The following KIF16B variants were observed in gnomAD, a reference collection of about 807,000 sequenced individuals.
The protein encoded by KIF16B is kinesin-like protein KIF16B.
In KIF16B, 98 loss-of-function variants were observed where a neutral mutation model predicts 156.3. That is an observed-to-expected ratio of 0.63 (90% CI 0.53 to 0.74). KIF16B has a LOEUF of 0.74. KIF16B is among the 30% of genes least tolerant of loss of function. The pLI, the probability that KIF16B is intolerant of heterozygous loss-of-function variation, is 0.00. For synonymous variants in KIF16B, 564 were observed against 583.7 expected, an observed-to-expected ratio of 0.97 and a Z score of 0.49; for missense variants, 1,421 against 1,606.5, an observed-to-expected ratio of 0.88 and a Z score of 1.97.
chr20:16,478,679 AAGTCACCCTT>A (rs1439881232), intron 12 of KIF16B, among the ~76,000 whole-genome samples: 6 of 152,192 alleles, frequency 3.9e-5, no homozygotes, highest in Non-Finnish European at 8.8e-5. Flanking sequence ...ATTTGTATTC[AAGTCACCCTT>A]ATTTTAATTG....
intron 17 of KIF16B, among the ~76,000 whole-genome samples, chr20:16,396,386 C>T (rs1210812987): frequency 6.6e-6 from 1 of 151,442 alleles, no homozygotes; most frequent in African/African-American, 2.4e-5. Context: ...AATAGTCATA[C>T]AATGGAATAT....
intron 25 of KIF16B, among the ~76,000 whole-genome samples, chr20:16,310,051 A>G (rs575473311): frequency 6.6e-6 from 1 of 152,386 alleles, no homozygotes; most frequent in South Asian, 2.1e-4. Flanking sequence ...AGCTCAGATT[A>G]ACTTTCTATT....
At chr20:16,290,382 C>T (rs1001368932) in intron 25 of KIF16B, among the ~76,000 whole-genome samples, 38 of 152,196 alleles carry the variant, frequency 2.5e-4, no homozygotes, top group African/African-American at 8.7e-4. Flanking sequence ...ACAGAATGAG[C>T]TATGCCTCTA....
At chr20:16,509,710 G>T (rs1376211048) in intron 6 of KIF16B, among the ~76,000 whole-genome samples, 1 of 152,132 alleles carries the variant, frequency 6.6e-6, no homozygotes, top group African/African-American at 2.4e-5. Flanking sequence ...TATATAGTAG[G>T]AAAATTAGTC....
chr20:16,373,175 C>T (rs577584058), intron 20 of KIF16B, among the ~76,000 whole-genome samples: 1 of 151,882 alleles, frequency 6.6e-6, no homozygotes, highest in African/African-American at 2.4e-5. Context: ...GGTAAAAGAG[C>T]CCAAATAAAG....
chr20:16,299,619 G>T (rs574238245), intron 25 of KIF16B, among the ~76,000 whole-genome samples: 112 of 152,306 alleles, frequency 7.4e-4, no homozygotes, highest in African/African-American at 2.6e-3. Flanking sequence ...AGGTCACTCT[G>T]TACCAAAGAG....
chr20:16,514,178 C>A (rs370787449), intron 4 of KIF16B, among the ~76,000 whole-genome samples: 9 of 151,562 alleles, frequency 5.9e-5, no homozygotes, highest in East Asian at 1.9e-4. Context: ...AATCAACATA[C>A]AAATTTCACT....
chr20:16,361,624 A>G (rs1490535576), intron 22 of KIF16B, among the ~76,000 whole-genome samples: 1 of 152,158 alleles, frequency 6.6e-6, no homozygotes, highest in South Asian at 2.1e-4. Context: ...ACCTTATCTC[A>G]TTTCTAAAGT....
rs990454606 is a variant in KIF16B at position 16,365,459 on chromosome 20, A to G, written c.3498+5127T>C. ...AGGGGGTGCTTTGGAAATGAAAAAC[A>G]TGAGAATCCAATTGCCTCAAAAAAC... On this transcript the variant is annotated intron_variant, in intron 22 of 25. Transcript: ENST00000354981. Among the ~76,000 whole-genome samples the G allele has an allele frequency of 3.3e-5, 5 of 152,208 alleles. No homozygotes were observed. The East Asian group carries it at 5.8e-4, about 18-fold the overall frequency.
chr20:16,283,389 C>T (rs2063176163), intron 25 of KIF16B, among the ~76,000 whole-genome samples: 1 of 152,124 alleles, frequency 6.6e-6, no homozygotes, highest in Non-Finnish European at 1.5e-5. Flanking sequence ...GGGCAGCTGA[C>T]CAGAGGCAAG....
intron 1 of KIF16B, among the ~76,000 whole-genome samples, chr20:16,559,781 C>CA (rs11087175): frequency 2.2e-4 from 33 of 150,344 alleles, no homozygotes; most frequent in Non-Finnish European, 4.6e-4. Context: ...GACCTTGTCT[C>CA]AAAAAAAAAA....
At chr20:16,524,504 A>G (rs562189109) in intron 3 of KIF16B, among the ~76,000 whole-genome samples, 2 of 152,344 alleles carry the variant, frequency 1.3e-5, no homozygotes, top group Admixed American at 6.5e-5. Flanking sequence ...TAGAATGGCG[A>G]TCATTAAAAA....
At chr20:16,351,810 G>C (rs1457942788) in intron 23 of KIF16B, among the ~76,000 whole-genome samples, 1 of 152,180 alleles carries the variant, frequency 6.6e-6, no homozygotes, top group African/African-American at 2.4e-5. Flanking sequence ...AACAAAGTGG[G>C]GAGAGGGGCG....
At position 16,379,739 on chromosome 20, in the gene KIF16B, C is replaced by T. The variant is rs781204636; in HGVS notation, c.2263G>A (p.Glu755Lys). The T allele has an allele frequency of 3.7e-6, 6 of 1,614,080 alleles. 1 individual carries two copies. The African/African-American group carries it at 4.0e-5, about 11-fold the overall frequency. ...ELEKKRLEEQ[E>K]KEQVMLVAHL... The stretch of plus-strand genomic sequence containing the variant: ...GCCACGAGCATGACCTGCTCCTTCT[C>T]CTGCTCCTCTAGTCTCTTTTTTTCC... The change falls in exon 19 of 26, where the codon GAG becomes AAG. Residue 755 changes from glutamate to lysine, a missense_variant. Glu to Lys is a moderately conservative substitution (Grantham distance 56). Coordinates refer to ENST00000354981, the MANE Select transcript of KIF16B (RefSeq NM_024704.5).
intron 15 of KIF16B, among the ~76,000 whole-genome samples, chr20:16,413,685 T>C (rs2066013794): frequency 6.6e-6 from 1 of 151,882 alleles, no homozygotes; most frequent in African/African-American, 2.4e-5. Context: ...AGTTCTACAT[T>C]TTACTTTAGA....
intron 12 of KIF16B, among the ~76,000 whole-genome samples, chr20:16,439,267 C>T (rs2066730717): frequency 6.6e-6 from 1 of 152,148 alleles, no homozygotes; most frequent in African/African-American, 2.4e-5. Flanking sequence ...TCTGATATCC[C>T]CCAATCGGTC....
intron 23 of KIF16B, among the ~76,000 whole-genome samples, chr20:16,353,389 A>G (rs1283347198): frequency 6.6e-6 from 1 of 152,248 alleles, no homozygotes; most frequent in African/African-American, 2.4e-5. Context: ...AACAAAATCC[A>G]AAACTCTCAT....
At position 16,515,642 on chromosome 20, in the gene KIF16B, T is replaced by C. The variant is rs868463935; in HGVS notation, c.254A>G (p.Asp85Gly). 16 of 1,611,968 alleles carry C rather than the reference T, an allele frequency of 9.9e-6. No individual in the cohort carries two copies. In the Middle Eastern group the frequency reaches 2.5e-3, roughly 249 times the overall value. ...QEMVFKTLGTDVVKSAFEGYN... is the reference protein window; with the variant it reads ...QEMVFKTLGTGVVKSAFEGYN... ...ACCTTCAAATGCAGACTTCACGACATCTGTGCCGAGGGTTTTGAAAACCTG... is the reference window on the plus strand; with the variant it reads ...ACCTTCAAATGCAGACTTCACGACACCTGTGCCGAGGGTTTTGAAAACCTG... Residue 85 changes from aspartate to glycine, a missense_variant, in exon 4 of 26, where the codon GAT becomes GGT. Transcript: ENST00000354981.
intron 10 of KIF16B, among the ~76,000 whole-genome samples, chr20:16,502,503 G>A (rs756221657): frequency 1.2e-4 from 18 of 151,952 alleles, no homozygotes; most frequent in African/African-American, 1.7e-4. Flanking sequence ...TCTGCAATGC[G>A]TTCTGAAATA....
Sources: allele counts gnomAD v4.1 joint callset (sites outside exome capture counted in the v4.1 genomes callset), GRCh38; gene constraint gnomAD v4.1.1; transcripts MANE v1.5; gene names NCBI Gene and HGNC (gene_info 2026-07-23, HGNC 2026-07-21).